Variants in USP15 observed in about 807,000 individuals in gnomAD.
USP15 encodes the protein ubiquitin carboxyl-terminal hydrolase 15.
USP15 carries 18 observed loss-of-function variants against 127.1 expected under a neutral mutation model. The ratio of observed to expected loss-of-function variants is 0.14; its 90% CI spans 0.10 to 0.21. USP15 has a LOEUF of 0.21. Among genes scored for constraint, USP15 ranks in the 10% least tolerant of loss-of-function variants. The pLI is 1.00. For synonymous variants in USP15, 364 were observed against 393.7 expected (o/e 0.92, Z 0.89); for missense variants, 805 against 1,159.9 (o/e 0.69, Z 4.44).
intron 1 of USP15, among the ~76,000 whole-genome samples, chr12:62,270,984 A>G (rs115286486): frequency 2.2e-4 from 34 of 152,210 alleles, no homozygotes; most frequent in African/African-American, 8.2e-4. Context: ...TAGTATTTGC[A>G]GTGAATGTTT....
rs1285602729 is a variant in USP15 at position 62,406,546 on chromosome 12, C to T, written c.*2171C>T. The T allele has an allele frequency of 6.6e-6, 1 of 152,184 alleles. No homozygotes were observed. The highest frequency in any genetic ancestry group is 1.5e-5 in the Non-Finnish European group (1 of 68,026). 9.4% of individuals were successfully genotyped at this position (152,184 alleles called of 1,614,324 possible). A position where few individuals can be genotyped will look rare whatever the true frequency, so the allele number is the denominator to read the frequency against. On this transcript the variant is annotated 3_prime_UTR_variant, in exon 22 of 22. Coordinates refer to ENST00000280377, the MANE Select transcript of USP15 (RefSeq NM_001252078.2). ...TTAATGCCTGTCATTAACTTCTGTT[C>T]CCACTAAAAGAAGTGATGTTAATAA...
chr12:62,301,222 C>G (rs2064307816), intron 2 of USP15, among the ~76,000 whole-genome samples: 1 of 152,124 alleles, frequency 6.6e-6, no homozygotes, highest in Non-Finnish European at 1.5e-5. Context: ...GTAGAACTCT[C>G]ATACACTGTT....
rs562537607 is a variant in USP15, at chr12:62,291,614, T to C, written c.90-2565T>C. Among the ~76,000 whole-genome samples the C allele has an allele frequency of 3.9e-5, 6 of 152,348 alleles. 1 individual carries two copies. In the South Asian group the frequency reaches 1.2e-3, roughly 32 times the overall value. ...ACTTCCAGAATTATTACACTGGTTCTTTCTCATCTGGAAAAACACATTTCT... is the reference window on the plus strand; with the variant it reads ...ACTTCCAGAATTATTACACTGGTTCCTTCTCATCTGGAAAAACACATTTCT... On this transcript the variant is annotated intron_variant, in intron 1 of 21. Transcript: ENST00000280377.
intron 2 of USP15, chr12:62,294,620 A>C: frequency 5.5e-6 from 1 of 180,368 alleles, no homozygotes; most frequent in Non-Finnish European, 1.1e-5. Context: ...TTTATTACTA[A>C]ATAATAAGAC....
chr12:62,365,048 T>C (rs2066433739), intron 8 of USP15, among the ~76,000 whole-genome samples: 1 of 152,206 alleles, frequency 6.6e-6, no homozygotes, highest in African/African-American at 2.4e-5. Context: ...AATCAAATAA[T>C]TTATAATCCT....
At chr12:62,379,577 T>G (rs901147902) in intron 8 of USP15, among the ~76,000 whole-genome samples, 1 of 152,158 alleles carries the variant, frequency 6.6e-6, no homozygotes, top group Admixed American at 6.6e-5. Flanking sequence ...TTACTCAGGT[T>G]TGTGCAACTT....
In USP15 at chr12:62,404,168, G is replaced by A. The variant is rs369605798; in HGVS notation, c.2764-25G>A. 7.0e-6 allele frequency: 11 copies of A among 1,567,054 alleles called. No homozygotes were observed. In the African/African-American group the frequency reaches 1.2e-4, roughly 18 times the overall value. On this transcript the variant is annotated intron_variant, in intron 21 of 21. Coordinates refer to ENST00000280377, the MANE Select transcript of USP15 (RefSeq NM_001252078.2). ...AACGTGATCTTTGAGAATCATAACT[G>A]TTTTAACATCCTTTGTTTTGACAGT...
chr12:62,286,126 A>G (rs2063776669), intron 1 of USP15, among the ~76,000 whole-genome samples: 1 of 152,186 alleles, frequency 6.6e-6, no homozygotes, highest in South Asian at 2.1e-4. Flanking sequence ...AATGGGAGAA[A>G]ATATTTTCAA....
chr12:62,337,267 CT>C (rs2137360736), intron 6 of USP15, among the ~76,000 whole-genome samples: 1 of 152,158 alleles, frequency 6.6e-6, no homozygotes, highest in East Asian at 1.9e-4. Context: ...TGCTTGATAG[CT>C]GTATTAGTCC....
In USP15 at chr12:62,381,677, A is replaced by G. The variant is rs779817699; in HGVS notation, c.1089+14A>G. ...AGAGCCTTTAAGGTTAGTGTGGTAA[A>G]TGCATTTTAGCAAGGGTACCTGCAA... On this transcript the variant is annotated intron_variant, in intron 9 of 21. Coordinates refer to ENST00000280377, the MANE Select transcript of USP15 (RefSeq NM_001252078.2). 3.7e-6 allele frequency: 6 copies of G among 1,600,326 alleles called. No individual in the cohort carries two copies. The African/African-American group carries it at 8.1e-5, about 21-fold the overall frequency.
In USP15 at chr12:62,408,284, G is replaced by T. The variant is rs2067939785; in HGVS notation, c.*3909G>T. 6.6e-6 allele frequency: 1 copy of T among 151,450 alleles called. No homozygotes were observed. The highest frequency in any genetic ancestry group is 6.6e-5 in the Admixed American group (1 of 15,120). 9.4% of individuals were successfully genotyped at this position (151,450 alleles called of 1,614,324 possible). A position where few individuals can be genotyped will look rare whatever the true frequency, so the allele number is the denominator to read the frequency against. ...CAATTTTTTGTTTTGTTATTTTTAAGTTACCTACAGATAATGCATTTCATT... is the reference window on the plus strand; with the variant it reads ...CAATTTTTTGTTTTGTTATTTTTAATTTACCTACAGATAATGCATTTCATT... On this transcript the variant is annotated 3_prime_UTR_variant, in exon 22 of 22. Coordinates refer to ENST00000280377, the MANE Select transcript of USP15 (RefSeq NM_001252078.2).
At chr12:62,374,047 T>C (rs2066753328) in intron 8 of USP15, among the ~76,000 whole-genome samples, 3 of 152,020 alleles carry the variant, frequency 2.0e-5, no homozygotes, top group South Asian at 4.1e-4. Flanking sequence ...TTCAGAATGC[T>C]TATACTATTG....
chr12:62,367,784 G>T (rs946456872), intron 8 of USP15, among the ~76,000 whole-genome samples: 1 of 151,684 alleles, frequency 6.6e-6, no homozygotes, highest in African/African-American at 2.4e-5. Context: ...TGATTTTTTT[G>T]AAAGGTTTTT....
intron 6 of USP15, among the ~76,000 whole-genome samples, chr12:62,327,166 A>G (rs1442655878): frequency 6.6e-6 from 1 of 152,046 alleles, no homozygotes; most frequent in Non-Finnish European, 1.5e-5. Context: ...AAATAAAACT[A>G]CAATGTACCT....
intron 12 of USP15, 35 bp downstream of exon 12, chr12:62,389,549 G>A (rs1364042732): frequency 1.9e-6 from 3 of 1,611,264 alleles, no homozygotes; most frequent in Non-Finnish European, 8.5e-7. Context: ...ATATAAGTTG[G>A]TATTTAGTTT....
chr12:62,399,527 G>T (rs186116482), intron 20 of USP15, among the ~76,000 whole-genome samples: 20 of 152,262 alleles, frequency 1.3e-4, no homozygotes, highest in Admixed American at 1.2e-3. Flanking sequence ...CTTCTAGATT[G>T]TTTTCTCATT....
intron 20 of USP15, among the ~76,000 whole-genome samples, chr12:62,397,194 T>G (rs2067519858): frequency 6.6e-6 from 1 of 152,206 alleles, no homozygotes; most frequent in South Asian, 2.1e-4. Context: ...GTGAAATGGT[T>G]TTGTAAGTTT....
At chr12:62,397,884 A>G (rs905126806) in intron 20 of USP15, among the ~76,000 whole-genome samples, 1 of 151,520 alleles carries the variant, frequency 6.6e-6, no homozygotes, top group Non-Finnish European at 1.5e-5. Context: ...CAGTCTTCCC[A>G]GATTTCTATC....
At chr12:62,375,294 T>G (rs999709297) in intron 8 of USP15, among the ~76,000 whole-genome samples, 4 of 152,186 alleles carry the variant, frequency 2.6e-5, no homozygotes, top group African/African-American at 9.6e-5. Context: ...AGGCATCATT[T>G]GGACTTTTAT....
Sources: allele counts gnomAD v4.1 joint callset (sites outside exome capture counted in the v4.1 genomes callset), GRCh38; gene constraint gnomAD v4.1.1; transcripts MANE v1.5; gene names NCBI Gene and HGNC (gene_info 2026-07-23, HGNC 2026-07-21).